RSPH4A: variants seen among roughly 807,000 people sequenced by gnomAD.
RSPH4A encodes radial spoke head component 4A.
In RSPH4A, 47 loss-of-function variants were observed where a neutral mutation model predicts 71.0. The ratio of observed to expected loss-of-function variants is 0.66; its 90% CI spans 0.52 to 0.84. The LOEUF (loss-of-function observed/expected upper bound fraction) is 0.84. Among genes scored for constraint, RSPH4A ranks in the 40% least tolerant of loss-of-function variants. RSPH4A has a pLI of 0.00. For synonymous variants in RSPH4A, 282 were observed against 302.3 expected (o/e 0.93, Z 0.70); for missense variants, 793 against 855.2 (o/e 0.93, Z 0.91).
rs766043800 is a variant in RSPH4A, at chr6:116,622,762, G to A, written c.687-6G>A. The A allele has an allele frequency of 6.5e-7, 1 of 1,537,712 alleles. No homozygotes were observed. On this transcript the variant is annotated splice_region_variant and splice_polypyrimidine_tract_variant and intron_variant, in intron 1 of 5. Coordinates refer to ENST00000229554, the MANE Select transcript of RSPH4A (RefSeq NM_001010892.3). ...ATATTATCTGGAATTTTCTCTGTTT[G>A]GATAGATATGATCATCTTTCTAATA...
chr6:116,628,085 A>G lies in RSPH4A; in HGVS notation c.1378A>G (p.Lys460Glu). 6.2e-7 allele frequency: 1 copy of G among 1,614,196 alleles called. No individual in the cohort carries two copies. Among genetic ancestry groups the G allele is most frequent in the Non-Finnish European group, 8.5e-7 (1 of 1,180,040 alleles). Residue 460 changes from lysine to glutamate, a missense_variant, in exon 3 of 6, where the codon AAA becomes GAA. Coordinates refer to ENST00000229554, the MANE Select transcript of RSPH4A (RefSeq NM_001010892.3). Reference sequence around the variant, plus strand: ...AATTGTTATTGCAAGAAAAATCAAGAAATTTTTCACTGGGCGATTGGATGC... The same window carrying G: ...AATTGTTATTGCAAGAAAAATCAAGGAATTTTTCACTGGGCGATTGGATGC... ...AQIVIARKIK[K>E]FFTGRLDAPI...
chr6:116,617,135 C>T lies in RSPH4A; in HGVS notation c.512C>T (p.Ala171Val). The change falls in exon 1 of 6, where the codon GCT becomes GTT. Residue 171 changes from alanine (A) to valine (V), a missense_variant. Coordinates refer to ENST00000229554, the MANE Select transcript of RSPH4A (RefSeq NM_001010892.3). ...CGAAGGGACGTGAGCTATAACAACG[C>T]TAAACAGAAAGAGCTGAGATTTGAC... ...CGRRDVSYNNAKQKELRFDVF... is the reference protein window; with the variant it reads ...CGRRDVSYNNVKQKELRFDVF... 6.2e-7 allele frequency: 1 copy of T among 1,614,194 alleles called. No homozygotes were observed. Among genetic ancestry groups the T allele is most frequent in the East Asian group, 2.2e-5 (1 of 44,874 alleles).
At chr6:116,626,089 T>C (rs1775687702) in intron 2 of RSPH4A, among the ~76,000 whole-genome samples, 1 of 152,130 alleles carries the variant, frequency 6.6e-6, no homozygotes, top group South Asian at 2.1e-4. Flanking sequence ...TAAGATGAAA[T>C]AGTTCTAGAG....
rs6927567 is a variant in RSPH4A at position 116,629,571 on chromosome 6, G to A, written c.1667G>A (p.Arg556His). The A allele has an allele frequency of 0.2, 320,039 of 1,608,588 alleles. 33,186 individuals are homozygous for A. Among genetic ancestry groups the A allele is most frequent in the East Asian group, 0.32 (14,184 of 44,784 alleles). The change falls in exon 4 of 6, where the codon CGC (arginine) becomes CAC (histidine). Residue 556 changes from arginine to histidine, a missense_variant. Transcript: ENST00000229554. ...TCTTGCAACATTCATTCCCAGGGTC[G>A]CTGTAATTGGTTCAACTCCATACAA... is the stretch of plus-strand genomic sequence containing the variant. ...HHVQHILSQG[R>H]CNWFNSIQKN...
chr6:116,629,790 G>T, intron 4 of RSPH4A, 88 bp downstream of exon 4: 1 of 1,310,690 alleles, frequency 7.6e-7, no homozygotes, highest in Non-Finnish European at 1.1e-6. Flanking sequence ...GAGTCGGAAA[G>T]CTCTAAAAAC....
rs1301009676 is a variant in RSPH4A at position 116,627,841 on chromosome 6, T to C, written c.1134T>C (p.Asp378=). The C allele has an allele frequency of 2.5e-6, 4 of 1,613,802 alleles. No homozygotes were observed. The highest frequency in any genetic ancestry group is 2.2e-5 in the East Asian group (1 of 44,858). The change falls in exon 3 of 6, where the codon GAT becomes GAC. Residue 378 remains aspartate (D), a synonymous_variant. Transcript: ENST00000229554. The part of the protein sequence containing the change: ...VAEVEFREGE[D]EEEVEEEDVA... The stretch of plus-strand genomic sequence containing the variant: ...AAGTGGAATTTCGTGAGGGGGAAGA[T>C]GAAGAGGAAGTGGAAGAGGAAGATG...
intron 1 of RSPH4A, among the ~76,000 whole-genome samples, chr6:116,617,643 AG>A (rs1451768372): frequency 6.6e-6 from 1 of 152,072 alleles, no homozygotes; most frequent in African/African-American, 2.4e-5. Context: ...GCATCTCTCC[AG>A]GATGCTTGTG....
chr6:116,617,968 T>C (rs1775539146), intron 1 of RSPH4A, among the ~76,000 whole-genome samples: 1 of 143,424 alleles, frequency 7.0e-6, no homozygotes, highest in Admixed American at 6.8e-5. Flanking sequence ...TAGATTTCTA[T>C]AGATTTTTGC....
rs1355049649 is a variant in RSPH4A at position 116,627,716 on chromosome 6, A to G, written c.1009A>G (p.Ile337Val). Reference protein sequence around the residue: ...VGLGTDETYRIFLALKQLTDT... With the variant: ...VGLGTDETYRVFLALKQLTDT... Reference sequence around the variant, plus strand: ...TTTGGGCACAGATGAGACATACCGCATATTTCTTGCCCTCAAGCAGCTTAC... The same window carrying G: ...TTTGGGCACAGATGAGACATACCGCGTATTTCTTGCCCTCAAGCAGCTTAC... The change falls in exon 3 of 6, where the codon ATA becomes GTA. Residue 337 changes from isoleucine (I) to valine (V), a missense_variant. Ile to Val is a conservative substitution (Grantham distance 29). Coordinates refer to ENST00000229554, the MANE Select transcript of RSPH4A (RefSeq NM_001010892.3). 6 of 1,614,158 alleles carry G rather than the reference A, an allele frequency of 3.7e-6. No homozygotes were observed. The highest frequency in any genetic ancestry group is 5.1e-6 in the Non-Finnish European group (6 of 1,180,002).
chr6:116,632,093 C>A, intron 5 of RSPH4A, 114 bp from the exon 6 acceptor site: 1 of 740,598 alleles, frequency 1.4e-6, no homozygotes, highest in Non-Finnish European at 2.2e-6. Flanking sequence ...ACATGTATTG[C>A]TTTTTTAAAT....
chr6:116,617,736 C>A (rs1775536092), intron 1 of RSPH4A, among the ~76,000 whole-genome samples: 1 of 152,034 alleles, frequency 6.6e-6, no homozygotes, highest in African/African-American at 2.4e-5. Flanking sequence ...AGTTCCCAAC[C>A]CAGGCAGTGC....
chr6:116,620,578 A>G (rs1041923029), intron 1 of RSPH4A, among the ~76,000 whole-genome samples: 12 of 152,196 alleles, frequency 7.9e-5, no homozygotes, highest in Non-Finnish European at 1.3e-4. Flanking sequence ...TTAAAAATAA[A>G]TTATTACTCC....
intron 2 of RSPH4A, among the ~76,000 whole-genome samples, chr6:116,623,303 C>T (rs1345401986): frequency 3.9e-5 from 6 of 152,142 alleles, no homozygotes; most frequent in Admixed American, 3.9e-4. Flanking sequence ...CCAAGCTGGT[C>T]TCAAACTCCT....
chr6:116,624,116 A>G (rs1426943707), intron 2 of RSPH4A, among the ~76,000 whole-genome samples: 2 of 152,222 alleles, frequency 1.3e-5, no homozygotes, highest in African/African-American at 4.8e-5. Context: ...TATTTTCAAA[A>G]CAGCACTCTG....
rs541808555 is a variant in RSPH4A at position 116,628,959 on chromosome 6, A to G, written c.1662+590A>G. 5.9e-5 allele frequency among the ~76,000 whole-genome samples: 9 copies of G among 152,328 alleles called. No individual in the cohort carries two copies. The East Asian group carries it at 1.7e-3, about 29-fold the overall frequency. ...CCTTAATTTTCAGATGAGGAAATTGAAAGAGAGTTTAGGAAATGTGACAAA... is the reference window on the plus strand; with the variant it reads ...CCTTAATTTTCAGATGAGGAAATTGGAAGAGAGTTTAGGAAATGTGACAAA... On this transcript the variant is annotated intron_variant, in intron 3 of 5. Transcript: ENST00000229554.
At chr6:116,631,448 A>G (rs1202202861) in intron 5 of RSPH4A, among the ~76,000 whole-genome samples, 8 of 152,136 alleles carry the variant, frequency 5.3e-5, no homozygotes, top group Non-Finnish European at 1.5e-5. Context: ...GCTATCATAG[A>G]TGTGGAGGTG....
intron 1 of RSPH4A, 112 bp from the exon 2 acceptor site, chr6:116,622,656 C>T (rs1026818635): frequency 3.3e-5 from 24 of 723,340 alleles, no homozygotes; most frequent in African/African-American, 1.3e-4. Flanking sequence ...TTGTTTTTTT[C>T]TTTTTCATTT....
At chr6:116,626,410 C>T (rs572008002) in intron 2 of RSPH4A, among the ~76,000 whole-genome samples, 4 of 152,098 alleles carry the variant, frequency 2.6e-5, no homozygotes, top group East Asian at 3.9e-4. Context: ...GGCGCGATCT[C>T]GGCTCACTAC....
intron 1 of RSPH4A, among the ~76,000 whole-genome samples, chr6:116,619,263 C>G (rs952055395): frequency 1.3e-5 from 2 of 152,138 alleles, no homozygotes; most frequent in African/African-American, 2.4e-5. Context: ...TAACCAGATT[C>G]TTCTTGGCCT....
Sources: allele counts gnomAD v4.1 joint callset (sites outside exome capture counted in the v4.1 genomes callset), GRCh38; gene constraint gnomAD v4.1.1; transcripts MANE v1.5; gene names NCBI Gene and HGNC (gene_info 2026-07-23, HGNC 2026-07-21).